Variants in TANC1 observed in about 807,000 individuals in gnomAD.
TANC1 encodes tetratricopeptide repeat, ankyrin repeat and coiled-coil containing 1.
A neutral mutation model predicts 149.7 loss-of-function variants in TANC1; 77 were observed. The observed-to-expected ratio is 0.51, with a 90% CI of 0.43 to 0.62. The LOEUF is 0.62. Among genes scored for constraint, TANC1 ranks in the 20% least tolerant of loss-of-function variants. TANC1 has a pLI of 0.00. For synonymous variants in TANC1, 854 were observed against 925.0 expected (o/e 0.92, Z 1.39); for missense variants, 1,985 against 2,321.8 (o/e 0.85, Z 2.98).
At position 159,179,084 on chromosome 2, in the gene TANC1, A is replaced by G. The variant is rs1325743393; in HGVS notation, c.2431A>G (p.Met811Val). 1 of 1,613,606 alleles carries G rather than the reference A, an allele frequency of 6.2e-7. No individual in the cohort carries two copies. Among genetic ancestry groups the G allele is most frequent in the Non-Finnish European group, 8.5e-7 (1 of 1,179,972 alleles). Residue 811 changes from methionine to valine, a missense_variant, in exon 14 of 27, where the codon ATG becomes GTG. Met to Val is a conservative substitution (Grantham distance 21). This residue lies in a region of TANC1 where 508 missense variants were observed against 714.2 expected (regional missense o/e 0.71). Transcript: ENST00000263635. Reference sequence around the variant, plus strand: ...CATTAAGAGGCGAGACAAAACCCGCATGTTCTGCCACCCGTCCTTCAGGGA... The same window carrying G: ...CATTAAGAGGCGAGACAAAACCCGCGTGTTCTGCCACCCGTCCTTCAGGGA... ...FLIKRRDKTR[M>V]FCHPSFREWL...
chr2:158,976,616 C>T (rs1464238830), intron 1 of TANC1, among the ~76,000 whole-genome samples: 1 of 152,192 alleles, frequency 6.6e-6, no homozygotes, highest in South Asian at 2.1e-4. Context: ...CGCGGTGACT[C>T]ATGCCTGTAA....
chr2:159,004,077 C>G (rs570975399), intron 2 of TANC1: 225 of 1,612,182 alleles, frequency 1.4e-4, no homozygotes, highest in Non-Finnish European at 1.8e-4. Flanking sequence ...CCAAGCTTCC[C>G]TTTCTGCTAA....
At position 159,050,617 on chromosome 2, in the gene TANC1, C is replaced by CT. The variant is rs905792736; in HGVS notation, c.-15-15278dup. Among the ~76,000 whole-genome samples the CT allele has an allele frequency of 1.3e-4, 20 of 152,336 alleles. 1 individual carries two copies. Among genetic ancestry groups the CT allele is most frequent in the South Asian group, 1.0e-3 (5 of 4,830 alleles). On this transcript the variant is annotated intron_variant, in intron 2 of 26. Coordinates refer to ENST00000263635, the MANE Select transcript of TANC1 (RefSeq NM_033394.3). ...ACCTAGAGCAGGCTGCTGAGATTCT[C>CT]TAAGTCTCAGTTTCCTTATCTGTCA... is the stretch of plus-strand genomic sequence containing the variant.
At chr2:159,150,860 T>C (rs2052719628) in intron 7 of TANC1, 1 of 266,128 alleles carries the variant, frequency 3.8e-6, no homozygotes, top group Admixed American at 4.9e-5. Context: ...GTTCCATTTG[T>C]TGGGCATCAG....
At chr2:159,203,556 A>G (rs2058401312) in intron 19 of TANC1, among the ~76,000 whole-genome samples, 1 of 151,266 alleles carries the variant, frequency 6.6e-6, no homozygotes, top group Non-Finnish European at 1.5e-5. Flanking sequence ...CTTTTCCCAA[A>G]TTGTGAGCTT....
chr2:158,996,061 A>G (rs1223493296), intron 1 of TANC1, among the ~76,000 whole-genome samples: 1 of 152,258 alleles, frequency 6.6e-6, no homozygotes, highest in African/African-American at 2.4e-5. Context: ...ATTTAAAAAT[A>G]ACTTGATGGC....
At chr2:159,222,396 C>G (rs2059762334) in intron 22 of TANC1, among the ~76,000 whole-genome samples, 1 of 152,186 alleles carries the variant, frequency 6.6e-6, no homozygotes, top group African/African-American at 2.4e-5. Context: ...AACAACTCTC[C>G]ATCTCCCCCA....
intron 3 of TANC1, among the ~76,000 whole-genome samples, chr2:159,091,216 C>T (rs1236107664): frequency 6.6e-6 from 1 of 152,170 alleles, no homozygotes; most frequent in Non-Finnish European, 1.5e-5. Flanking sequence ...GGTTCAGACT[C>T]AGCTCTGATA....
intron 3 of TANC1, among the ~76,000 whole-genome samples, chr2:159,067,733 C>G (rs1482891939): frequency 2.0e-5 from 3 of 152,188 alleles, no homozygotes; most frequent in Non-Finnish European, 4.4e-5. Context: ...TTATTTTTCT[C>G]AGGACCAGGG....
At chr2:159,106,949 T>A (rs958449375) in intron 4 of TANC1, among the ~76,000 whole-genome samples, 1 of 152,238 alleles carries the variant, frequency 6.6e-6, no homozygotes, top group African/African-American at 2.4e-5. Flanking sequence ...AGATAAATGA[T>A]TTACAAGTAT....
chr2:159,109,294 A>G (rs2047489364), intron 4 of TANC1, among the ~76,000 whole-genome samples: 1 of 152,198 alleles, frequency 6.6e-6, no homozygotes. Flanking sequence ...AGCAGGCCAT[A>G]GGTGTTTCTT....
chr2:159,047,015 G>A (rs979148417), intron 2 of TANC1, among the ~76,000 whole-genome samples: 1 of 151,996 alleles, frequency 6.6e-6, no homozygotes, highest in Non-Finnish European at 1.5e-5. Flanking sequence ...CTTTTAGTCT[G>A]CTCAGCCTTT....
rs766127861 is a variant in TANC1, at chr2:159,228,788, G to A, written c.4051-8G>A. ...GCTTCTGACTCCTGTATTTCTTGTC[G>A]ACACCAGGACTTTGGCATGGCAGAG... On this transcript the variant is annotated splice_region_variant and splice_polypyrimidine_tract_variant and intron_variant, in intron 25 of 26. Coordinates refer to ENST00000263635, the MANE Select transcript of TANC1 (RefSeq NM_033394.3). 11 of 1,608,752 alleles carry A rather than the reference G, an allele frequency of 6.8e-6. No individual in the cohort carries two copies. Among genetic ancestry groups the A allele is most frequent in the East Asian group, 4.5e-5 (2 of 44,844 alleles).
intron 24 of TANC1, 145 bp from the exon 25 acceptor site, chr2:159,227,674 C>G: frequency 1.2e-6 from 1 of 848,496 alleles, no homozygotes. Flanking sequence ...GAACTAGCTC[C>G]CACCTTGACA....
At chr2:159,009,105 T>C (rs73001031) in intron 2 of TANC1, among the ~76,000 whole-genome samples, 3,630 of 152,242 alleles carry the variant, frequency 0.024, 137 homozygotes, top group African/African-American at 0.082. Context: ...AAATTATAGA[T>C]TGCCCAAAGC....
intron 2 of TANC1, among the ~76,000 whole-genome samples, chr2:159,012,012 C>T (rs553570463): frequency 1.9e-4 from 29 of 152,140 alleles, no homozygotes; most frequent in African/African-American, 6.7e-4. Flanking sequence ...ACTAGAGCTT[C>T]TAGGAAGGGG....
chr2:159,138,551 A>G (rs974425401), intron 5 of TANC1, among the ~76,000 whole-genome samples: 1 of 152,204 alleles, frequency 6.6e-6, no homozygotes, highest in African/African-American at 2.4e-5. Context: ...GACTAAAACT[A>G]ATTGAGTTTG....
intron 24 of TANC1, chr2:159,226,144 T>C: frequency 3.9e-6 from 1 of 256,980 alleles, no homozygotes; most frequent in Non-Finnish European, 7.5e-6. Context: ...CACTCCAGCC[T>C]CAGCAACAGA....
intron 4 of TANC1, among the ~76,000 whole-genome samples, chr2:159,101,971 TCA>T (rs1453188768): frequency 2.6e-5 from 4 of 152,214 alleles, no homozygotes; most frequent in African/African-American, 7.2e-5. Flanking sequence ...CAGTTCTGTC[TCA>T]CAGTGGACAT....
Sources: gnomAD v4.1 joint callset for allele counts (sites outside exome capture counted in the v4.1 genomes callset) on GRCh38, gnomAD v4.1.1 for gene constraint, gnomAD v4.1.1 regional missense constraint, MANE v1.5 for transcripts, NCBI Gene and HGNC (gene_info 2026-07-23, HGNC 2026-07-21) for gene names.